Variants in CRTC1 observed in about 807,000 individuals in gnomAD.
The protein encoded by CRTC1 is CREB regulated transcription coactivator 1.
In CRTC1, 18 loss-of-function variants were observed where a neutral mutation model predicts 66.1. That is an observed-to-expected ratio of 0.27 (90% CI 0.19 to 0.40). The LOEUF (loss-of-function observed/expected upper bound fraction) is 0.40, where lower values mean the gene tolerates loss of function less well. CRTC1 is among the 10% of genes least tolerant of loss of function. CRTC1 has a pLI of 1.00. For missense variants in CRTC1, 669 were observed against 887.9 expected (o/e 0.75, Z 3.13); for synonymous variants, 416 against 398.8 (o/e 1.04, Z -0.51).
intron 1 of CRTC1, among the ~76,000 whole-genome samples, chr19:18,706,028 G>A (rs1418187187): frequency 7.7e-6 from 1 of 130,352 alleles, no homozygotes; most frequent in Non-Finnish European, 1.6e-5. Context: ...AAATTGGGTT[G>A]TTTTTCTTTT....
chr19:18,772,670 C>T (rs115842535), intron 11 of CRTC1, among the ~76,000 whole-genome samples: 34 of 152,352 alleles, frequency 2.2e-4, no homozygotes, highest in African/African-American at 7.7e-4. Context: ...ATAGGGACAT[C>T]TGCCCCATCA....
intron 4 of CRTC1, 55 bp from the exon 5 acceptor site, chr19:18,749,726 A>T: frequency 7.0e-7 from 1 of 1,433,114 alleles, no homozygotes; most frequent in Non-Finnish European, 9.8e-7. Flanking sequence ...GATCAGGACT[A>T]TCGCATTGTC....
chr19:18,772,045 C>T (rs1358254531), intron 11 of CRTC1, among the ~76,000 whole-genome samples: 2 of 152,192 alleles, frequency 1.3e-5, no homozygotes, highest in Non-Finnish European at 2.9e-5. Context: ...CTTCTCTGAG[C>T]CGCTCTGCAG....
At chr19:18,752,618 C>A (rs2054391000) in intron 5 of CRTC1, among the ~76,000 whole-genome samples, 1 of 151,726 alleles carries the variant, frequency 6.6e-6, no homozygotes. Context: ...TGTGTCCAGC[C>A]TTGTTTCTCT....
intron 1 of CRTC1, among the ~76,000 whole-genome samples, chr19:18,692,553 A>T (rs998682922): frequency 6.0e-5 from 9 of 150,742 alleles, no homozygotes; most frequent in Admixed American, 6.0e-4. Context: ...GTGAGCAGAG[A>T]TCATGCCATT....
rs143836383 is a variant in CRTC1, at chr19:18,719,444, C to T, written c.127-23466C>T. Among the ~76,000 whole-genome samples the T allele has an allele frequency of 4.3e-3, 659 of 152,318 alleles. 6 individuals are homozygous for T. Among genetic ancestry groups the T allele is most frequent in the African/African-American group, 0.014 (597 of 41,572 alleles). On this transcript the variant is annotated intron_variant, in intron 1 of 13. Transcript: ENST00000321949. ...CACTCAAGGGGTACCAGGTGGGCCC[C>T]GGCAGGCCCAGGATCTGGCCTTCCA...
chr19:18,714,381 C>T (rs2053459938), intron 1 of CRTC1, among the ~76,000 whole-genome samples: 1 of 151,948 alleles, frequency 6.6e-6, no homozygotes, highest in Admixed American at 6.6e-5. Flanking sequence ...GATCTTGGCT[C>T]ACTGCAACCT....
intron 6 of CRTC1, among the ~76,000 whole-genome samples, chr19:18,754,787 A>C (rs2054447774): frequency 6.6e-6 from 1 of 152,150 alleles, no homozygotes; most frequent in Admixed American, 6.5e-5. Flanking sequence ...AGAATATTGG[A>C]AAAGGCATAA....
chr19:18,761,006 A>G (rs926846484), intron 8 of CRTC1, among the ~76,000 whole-genome samples: 1 of 151,998 alleles, frequency 6.6e-6, no homozygotes, highest in Non-Finnish European at 1.5e-5. Flanking sequence ...TCTCAGTGAA[A>G]GCCTGAGGCC....
At chr19:18,765,689 C>G (rs1045720573) in intron 9 of CRTC1, among the ~76,000 whole-genome samples, 161 bp downstream of exon 9, 1 of 152,158 alleles carries the variant, frequency 6.6e-6, no homozygotes, top group Non-Finnish European at 1.5e-5. Flanking sequence ...AGCCGGGTGC[C>G]GTAGCTCATG....
At chr19:18,688,238 CAG>C (rs760956502) in intron 1 of CRTC1, among the ~76,000 whole-genome samples, 3 of 152,080 alleles carry the variant, frequency 2.0e-5, no homozygotes, top group East Asian at 1.9e-4. Context: ...GTGGCTGGGA[CAG>C]GGGTGACACA....
chr19:18,695,163 G>A (rs926881306), intron 1 of CRTC1, among the ~76,000 whole-genome samples: 1 of 152,120 alleles, frequency 6.6e-6, no homozygotes, highest in Admixed American at 6.6e-5. Flanking sequence ...GAGCCAATGT[G>A]CCCAGCTAAT....
chr19:18,699,936 G>T (rs1243588201), intron 1 of CRTC1, among the ~76,000 whole-genome samples: 2 of 152,170 alleles, frequency 1.3e-5, no homozygotes, highest in East Asian at 3.9e-4. Flanking sequence ...TGGGTGCTGG[G>T]GCTCTGTGAT....
chr19:18,737,265 G>A (rs182090138), intron 1 of CRTC1, among the ~76,000 whole-genome samples: 23 of 148,514 alleles, frequency 1.5e-4, no homozygotes, highest in African/African-American at 5.5e-4. Flanking sequence ...AGGTGGGGGG[G>A]TAGGACTTTG....
intron 3 of CRTC1, among the ~76,000 whole-genome samples, chr19:18,746,441 G>A (rs1292954756): frequency 4.6e-5 from 7 of 151,940 alleles, no homozygotes; most frequent in East Asian, 1.9e-4. Flanking sequence ...AGTAAAATTC[G>A]CCTCTGCGAC....
intron 1 of CRTC1, among the ~76,000 whole-genome samples, chr19:18,706,695 C>A (rs967061363): frequency 2.0e-5 from 3 of 151,806 alleles, no homozygotes; most frequent in African/African-American, 7.3e-5. Context: ...TCTATTTCTG[C>A]GAAAAAGGAT....
At chr19:18,705,715 C>G (rs1444949065) in intron 1 of CRTC1, among the ~76,000 whole-genome samples, 3 of 152,154 alleles carry the variant, frequency 2.0e-5, no homozygotes, top group Admixed American at 6.6e-5. Flanking sequence ...TTCAGTTTCT[C>G]CATATCCTCA....
intron 9 of CRTC1, 133 bp downstream of exon 9, chr19:18,765,661 TTTA>T (rs2054715799): frequency 2.2e-6 from 2 of 893,444 alleles, no homozygotes. Context: ...ACTTTTAGTT[TTTA>T]TTATCAAATT....
chr19:18,695,697 C>G (rs970659611), intron 1 of CRTC1, among the ~76,000 whole-genome samples: 1 of 152,032 alleles, frequency 6.6e-6, no homozygotes, highest in African/African-American at 2.4e-5. Flanking sequence ...AACCCCGTCT[C>G]TACTAAAAAT....
Sources: gnomAD v4.1 joint callset for allele counts (sites outside exome capture counted in the v4.1 genomes callset) on GRCh38, gnomAD v4.1.1 for gene constraint, MANE v1.5 for transcripts, NCBI Gene and HGNC (gene_info 2026-07-23, HGNC 2026-07-21) for gene names.